The following PHF21B variants were observed in gnomAD, a reference collection of about 807,000 sequenced individuals.
PHF21B encodes the protein PHD finger protein 21B.
PHF21B carries 22 observed loss-of-function variants against 62.2 expected under a neutral mutation model. The observed-to-expected ratio is 0.35, with a 90% CI of 0.25 to 0.51. The LOEUF is 0.51. Ranked by LOEUF, PHF21B falls within the 20% of genes least tolerant of loss-of-function variation. The pLI is 0.97. For missense variants in PHF21B, 701 were observed against 707.9 expected (o/e 0.99, Z 0.11); for synonymous variants, 341 against 314.7 (o/e 1.08, Z -0.88).
Position 44,958,963 on chromosome 22 carries a change from G to A in PHF21B, c.121-38473C>T, listed in dbSNP as rs116175901. Among the ~76,000 whole-genome samples the A allele has an allele frequency of 2.7e-3, 413 of 151,994 alleles. 3 individuals carry two copies. The highest frequency in any genetic ancestry group is 9.5e-3 in the African/African-American group (395 of 41,428). On this transcript the variant is annotated intron_variant, in intron 2 of 12. Coordinates refer to ENST00000313237, the MANE Select transcript of PHF21B (RefSeq NM_138415.5). The stretch of plus-strand genomic sequence containing the variant: ...GCCCCTCCTTTGATCATTTAACTGC[G>A]CAATCTACATTTCCAATGTCTCCTG...
chr22:44,986,424 T>A (rs1434252136), intron 2 of PHF21B, among the ~76,000 whole-genome samples: 3 of 148,428 alleles, frequency 2.0e-5, no homozygotes, highest in Non-Finnish European at 3.0e-5. Flanking sequence ...ACCACCTGCA[T>A]CCGCATGATC....
At chr22:44,942,505 C>T (rs1018903148) in intron 2 of PHF21B, among the ~76,000 whole-genome samples, 1 of 152,214 alleles carries the variant, frequency 6.6e-6, no homozygotes, top group Non-Finnish European at 1.5e-5. Flanking sequence ...CACAGGGAAA[C>T]GTGACCTGCC....
intron 2 of PHF21B, among the ~76,000 whole-genome samples, chr22:44,936,324 T>C (rs1207173887): frequency 1.3e-5 from 2 of 152,328 alleles, no homozygotes; most frequent in Non-Finnish European, 2.9e-5. Flanking sequence ...GGCGGCTCCT[T>C]GTAGAGAGGC....
At chr22:44,968,525 T>G (rs2072574988) in intron 2 of PHF21B, among the ~76,000 whole-genome samples, 1 of 151,836 alleles carries the variant, frequency 6.6e-6, no homozygotes, top group South Asian at 2.1e-4. Context: ...GTGCTTGTAA[T>G]GCCAGCTACT....
intron 5 of PHF21B, among the ~76,000 whole-genome samples, chr22:44,905,801 T>G (rs2071239616): frequency 1.3e-5 from 2 of 152,334 alleles, no homozygotes; most frequent in Admixed American, 1.3e-4. Flanking sequence ...GCTAATTTTT[T>G]GTATTTTGAG....
chr22:44,950,825 C>T (rs1367275419), intron 2 of PHF21B, among the ~76,000 whole-genome samples: 1 of 152,132 alleles, frequency 6.6e-6, no homozygotes, highest in African/African-American at 2.4e-5. Context: ...TTGGGCCTTT[C>T]CCCCTTTTCA....
At chr22:44,998,879 C>T (rs1479362934) in intron 2 of PHF21B, among the ~76,000 whole-genome samples, 1 of 152,214 alleles carries the variant, frequency 6.6e-6, no homozygotes, top group Non-Finnish European at 1.5e-5. Context: ...CGGGACATCA[C>T]TGCCAGAGGG....
chr22:44,932,929 C>T (rs1291262880), intron 2 of PHF21B, among the ~76,000 whole-genome samples: 3 of 152,202 alleles, frequency 2.0e-5, no homozygotes, highest in African/African-American at 2.4e-5. Flanking sequence ...AAGTAACCAC[C>T]GTGCAGACCA....
Position 44,916,420 on chromosome 22 carries a change from G to C in PHF21B, c.424C>G (p.Pro142Ala). The stretch of plus-strand genomic sequence containing the variant: ...TAGGCCACCCCCGCACTGCTCAGCG[G>C]AGAGGCGAGGGCGGCGGGCTCGGCG... Reference protein sequence around the residue: ...ALAEPAALASPLSSAGVAYAI... With the variant: ...ALAEPAALASALSSAGVAYAI... Residue 142 changes from proline (P) to alanine (A), a missense_variant, in exon 4 of 13, where the codon CCG (proline) becomes GCG (alanine). Coordinates refer to ENST00000313237, the MANE Select transcript of PHF21B (RefSeq NM_138415.5). 6.3e-7 allele frequency: 1 copy of C among 1,597,774 alleles called. No homozygotes were observed. Among genetic ancestry groups the C allele is most frequent in the Non-Finnish European group, 8.5e-7 (1 of 1,176,434 alleles).
intron 2 of PHF21B, among the ~76,000 whole-genome samples, chr22:44,931,034 G>C (rs1204367769): frequency 6.6e-6 from 1 of 152,208 alleles, no homozygotes. Flanking sequence ...GCCAGCTTCA[G>C]CAAGCCCCAC....
At chr22:44,924,191 T>C (rs1336513950) in intron 2 of PHF21B, among the ~76,000 whole-genome samples, 2 of 151,964 alleles carry the variant, frequency 1.3e-5, no homozygotes, top group African/African-American at 4.8e-5. Context: ...TAAACATAAT[T>C]AGTTATTAGG....
At chr22:44,946,523 C>T (rs1036825057) in intron 2 of PHF21B, among the ~76,000 whole-genome samples, 2 of 151,700 alleles carry the variant, frequency 1.3e-5, no homozygotes, top group Non-Finnish European at 2.9e-5. Flanking sequence ...AAAGGGTGGA[C>T]GGATGGTGGG....
At chr22:44,963,324 G>A (rs981077275) in intron 2 of PHF21B, among the ~76,000 whole-genome samples, 4 of 152,260 alleles carry the variant, frequency 2.6e-5, no homozygotes, top group African/African-American at 9.6e-5. Context: ...ACAGCACACT[G>A]GTTAGGGAGG....
At chr22:44,905,822 G>T (rs1222882261) in intron 5 of PHF21B, among the ~76,000 whole-genome samples, 1 of 152,144 alleles carries the variant, frequency 6.6e-6, no homozygotes, top group East Asian at 1.9e-4. Context: ...TAGAGACAGG[G>T]TTTCACCGTG....
At chr22:44,984,768 A>G (rs1344331632) in intron 2 of PHF21B, among the ~76,000 whole-genome samples, 1 of 152,192 alleles carries the variant, frequency 6.6e-6, no homozygotes, top group Non-Finnish European at 1.5e-5. Flanking sequence ...TCACATTAGG[A>G]CTGTTTTCTA....
chr22:44,884,935 A>G (rs995387209), intron 12 of PHF21B, among the ~76,000 whole-genome samples: 5 of 152,250 alleles, frequency 3.3e-5, no homozygotes, highest in Non-Finnish European at 7.3e-5. Flanking sequence ...TATCTTGTCT[A>G]TCTCCATCCT....
At chr22:44,992,883 A>G (rs1428369736) in intron 2 of PHF21B, among the ~76,000 whole-genome samples, 2 of 152,220 alleles carry the variant, frequency 1.3e-5, no homozygotes, top group Non-Finnish European at 2.9e-5. Flanking sequence ...TCTTCATTTC[A>G]GCCTTGCAAC....
intron 2 of PHF21B, among the ~76,000 whole-genome samples, chr22:44,935,104 G>A (rs1469813279): frequency 6.6e-6 from 1 of 152,094 alleles, no homozygotes; most frequent in South Asian, 2.1e-4. Context: ...CACGGCAATC[G>A]GTCCAGTGGT....
intron 3 of PHF21B, among the ~76,000 whole-genome samples, chr22:44,917,717 G>A (rs757559160): frequency 6.6e-5 from 10 of 152,222 alleles, no homozygotes; most frequent in Non-Finnish European, 1.3e-4. Flanking sequence ...AGGGCACAGA[G>A]CGCTGTACTG....
Sources: gnomAD v4.1 joint callset for allele counts (sites outside exome capture counted in the v4.1 genomes callset) on GRCh38, gnomAD v4.1.1 for gene constraint, MANE v1.5 for transcripts, NCBI Gene and HGNC (gene_info 2026-07-23, HGNC 2026-07-21) for gene names.